The following ARHGAP20 variants were observed in gnomAD, a reference collection of about 807,000 sequenced individuals.
ARHGAP20 encodes rho GTPase-activating protein 20.
In ARHGAP20, 34 loss-of-function variants were observed where a neutral mutation model predicts 73.7. That is an observed-to-expected ratio of 0.46 (90% confidence interval 0.35 to 0.61). The LOEUF is 0.61. Ranked by LOEUF, ARHGAP20 falls within the 20% of genes least tolerant of loss-of-function variation. ARHGAP20 has a pLI of 0.00. For missense variants in ARHGAP20, 1,314 were observed against 1,420.9 expected (o/e 0.92, Z 1.21); for synonymous variants, 523 against 518.2 (o/e 1.01, Z -0.13).
Position 110,606,677 on chromosome 11 carries a change from T to G in ARHGAP20, c.848A>C (p.Asp283Ala). 4 of 1,603,554 alleles carry G rather than the reference T, an allele frequency of 2.5e-6. No individual in the cohort carries two copies. The highest frequency in any genetic ancestry group is 3.4e-6 in the Non-Finnish European group (4 of 1,176,848). ...CTGGAGGTTGAAAGGGGTGGTAGAG[T>G]CCTTTGATCCCGGTGTCAGGAGTGC... ...DSALLTPGSK[D>A]STTPFNLQEP... Residue 283 changes from aspartate (D) to alanine (A), a missense_variant, in exon 9 of 15, where the codon GAC becomes GCC. Around this residue, in one of 3 missense-constraint regions of ARHGAP20, gnomAD observed 443 missense variants for 466.4 expected, o/e 0.95. Coordinates refer to ENST00000683387, the MANE Select transcript of ARHGAP20 (RefSeq NM_001384657.1).
At chr11:110,604,641 C>G (rs1425173474) in intron 9 of ARHGAP20, among the ~76,000 whole-genome samples, 1 of 152,096 alleles carries the variant, frequency 6.6e-6, no homozygotes, top group East Asian at 1.9e-4. Context: ...GATGGAAAGA[C>G]CATGATATCT....
chr11:110,653,628 T>G (rs1260904809), intron 2 of ARHGAP20, among the ~76,000 whole-genome samples: 2 of 152,192 alleles, frequency 1.3e-5, no homozygotes, highest in African/African-American at 4.8e-5. Context: ...TTGGTGGGAA[T>G]GTAAATTAGT....
At chr11:110,701,347 C>T (rs1950448315) in intron 1 of ARHGAP20, among the ~76,000 whole-genome samples, 2 of 151,884 alleles carry the variant, frequency 1.3e-5, no homozygotes, top group South Asian at 2.1e-4. Context: ...TGATGGTGAG[C>T]ATTTTTTCAT....
chr11:110,687,463 G>T (rs1950159785), intron 2 of ARHGAP20, among the ~76,000 whole-genome samples: 1 of 152,142 alleles, frequency 6.6e-6, no homozygotes, highest in South Asian at 2.1e-4. Context: ...GAAGTGATAG[G>T]GAGGCAGTGT....
intron 2 of ARHGAP20, among the ~76,000 whole-genome samples, chr11:110,640,267 C>T (rs1326596470): frequency 6.6e-6 from 1 of 151,992 alleles, no homozygotes; most frequent in Non-Finnish European, 1.5e-5. Context: ...AATTAATCTT[C>T]CGGATGCATA....
At chr11:110,654,318 T>C (rs1949420277) in intron 2 of ARHGAP20, among the ~76,000 whole-genome samples, 1 of 152,206 alleles carries the variant, frequency 6.6e-6, no homozygotes, top group Non-Finnish European at 1.5e-5. Flanking sequence ...ACACCAGTTA[T>C]GGGGAGCCAT....
intron 2 of ARHGAP20, among the ~76,000 whole-genome samples, chr11:110,670,795 C>T (rs1452534243): frequency 2.0e-5 from 3 of 152,018 alleles, no homozygotes; most frequent in African/African-American, 7.2e-5. Context: ...GCCCACAACC[C>T]CTTTCTAACC....
intron 4 of ARHGAP20, among the ~76,000 whole-genome samples, chr11:110,620,605 C>A (rs188771680): frequency 6.6e-6 from 1 of 152,194 alleles, no homozygotes; most frequent in Admixed American, 6.5e-5. Flanking sequence ...TCCCTCTTGT[C>A]TTTCACTTCA....
intron 12 of ARHGAP20, among the ~76,000 whole-genome samples, chr11:110,584,930 AAT>A (rs1283241306): frequency 1.2e-4 from 17 of 139,300 alleles, no homozygotes; most frequent in Admixed American, 6.1e-4. Flanking sequence ...TATATATGTG[AAT>A]ATATGTGTAT....
At chr11:110,622,814 A>C (rs925295961) in intron 4 of ARHGAP20, among the ~76,000 whole-genome samples, 1 of 152,220 alleles carries the variant, frequency 6.6e-6, no homozygotes, top group Non-Finnish European at 1.5e-5. Context: ...ATCACAATAC[A>C]TCAAGGAGTA....
chr11:110,580,419 G>A lies in ARHGAP20; in HGVS notation c.2527C>T (p.Arg843Trp), dbSNP rs1947422398. ...ADALKGPRTH[R>W]RCSEPNIEDQ... ...TCTATGTTGGGCTCTGAGCAGCGCC[G>A]ATGTGTCCTTGGACCCTTGAGGGCA... The change falls in exon 15 of 15, where the codon CGG becomes TGG. Residue 843 changes from arginine to tryptophan, a missense_variant. Transcript: ENST00000683387. The A allele has an allele frequency of 6.2e-7, 1 of 1,614,182 alleles. No homozygotes were observed. Among genetic ancestry groups the A allele is most frequent in the Non-Finnish European group, 8.5e-7 (1 of 1,180,030 alleles).
intron 6 of ARHGAP20, 50 bp downstream of exon 6, chr11:110,614,511 T>C: frequency 1.3e-6 from 2 of 1,506,738 alleles, no homozygotes; most frequent in Non-Finnish European, 1.8e-6. Context: ...CGTAGTGTTC[T>C]GTCTTATGCA....
At chr11:110,596,047 G>C (rs1947950959) in intron 9 of ARHGAP20, among the ~76,000 whole-genome samples, 1 of 152,112 alleles carries the variant, frequency 6.6e-6, no homozygotes, top group Admixed American at 6.5e-5. Flanking sequence ...ATGGGGAAAG[G>C]ATTCCCTATT....
intron 3 of ARHGAP20, among the ~76,000 whole-genome samples, chr11:110,624,856 C>A (rs1948703065): frequency 6.6e-6 from 1 of 152,048 alleles, no homozygotes. Context: ...ATAAACTGGC[C>A]ACCTTATTTT....
At chr11:110,638,169 A>G (rs1468249174) in intron 2 of ARHGAP20, among the ~76,000 whole-genome samples, 1 of 152,072 alleles carries the variant, frequency 6.6e-6, no homozygotes, top group Non-Finnish European at 1.5e-5. Context: ...CAAATTCCAT[A>G]CTTGGCCTCA....
At chr11:110,602,211 T>C (rs900337311) in intron 9 of ARHGAP20, among the ~76,000 whole-genome samples, 3 of 124,394 alleles carry the variant, frequency 2.4e-5, no homozygotes, top group African/African-American at 1.2e-4. Flanking sequence ...TCTATCAGGA[T>C]ACCACAACAT....
intron 1 of ARHGAP20, among the ~76,000 whole-genome samples, chr11:110,695,717 G>A: frequency 6.6e-6 from 1 of 151,594 alleles, no homozygotes; most frequent in Non-Finnish European, 1.5e-5. Flanking sequence ...CTTACACACT[G>A]CTGGTGGGAA....
At chr11:110,590,332 T>C (rs1210082303) in intron 11 of ARHGAP20, among the ~76,000 whole-genome samples, 1 of 152,176 alleles carries the variant, frequency 6.6e-6, no homozygotes, top group East Asian at 1.9e-4. Context: ...GATGTCTGTT[T>C]TGGTATACGT....
chr11:110,699,813 GTCC>G (rs1003693254), intron 1 of ARHGAP20, among the ~76,000 whole-genome samples: 1 of 151,812 alleles, frequency 6.6e-6, no homozygotes, highest in Non-Finnish European at 1.5e-5. Context: ...TTCCTCCAGT[GTCC>G]TCCTTAGGGT....
Sources: allele counts gnomAD v4.1 joint callset (sites outside exome capture counted in the v4.1 genomes callset), GRCh38; gene constraint gnomAD v4.1.1; regional missense constraint gnomAD v4.1.1; transcripts MANE v1.5; gene names NCBI Gene and HGNC (gene_info 2026-07-23, HGNC 2026-07-21).